AHI1: variants seen among roughly 807,000 people sequenced by gnomAD.
The protein encoded by AHI1 is jouberin.
Under a neutral mutation model 149.3 loss-of-function variants are expected in AHI1, and 123 were observed. The observed-to-expected ratio is 0.82, with a 90% confidence interval of 0.71 to 0.96. The LOEUF is 0.96. Ranked by LOEUF, AHI1 falls within the 40% of genes least tolerant of loss-of-function variation. The probability of loss-of-function intolerance (pLI) is 0.00; values close to 1 mark genes in which losing one functional copy is unlikely to be tolerated. For missense variants in AHI1, 1,439 were observed against 1,422.7 expected (o/e 1.01, Z -0.18); for synonymous variants, 475 against 459.8 (o/e 1.03, Z -0.42).
chr6:135,453,097 CTGTT>C (rs1788385941), intron 11 of AHI1, among the ~76,000 whole-genome samples: 1 of 152,102 alleles, frequency 6.6e-6, no homozygotes, highest in Admixed American at 6.6e-5. Context: ...AATGGCATGG[CTGTT>C]TGTGTCTTTT....
Position 135,431,333 on chromosome 6 carries a change from T to A in AHI1, c.2267-19A>T, listed in dbSNP as rs971512231. ...TGATGACCTATTTAAAAAAATAAGATCACTCACTTATGAATGTCACACAGA... is the reference window on the plus strand; with the variant it reads ...TGATGACCTATTTAAAAAAATAAGAACACTCACTTATGAATGTCACACAGA... On this transcript the variant is annotated intron_variant, in intron 16 of 28. Transcript: ENST00000265602. 1.0e-5 allele frequency: 15 copies of A among 1,460,506 alleles called. No homozygotes were observed. Among genetic ancestry groups the A allele is most frequent in the Middle Eastern group, 3.5e-4 (2 of 5,772 alleles). 90.5% of individuals were successfully genotyped at this position (1,460,506 alleles called of 1,614,324 possible). A position where few individuals can be genotyped will look rare whatever the true frequency, so the allele number is the denominator to read the frequency against.
At chr6:135,443,866 T>C (rs1231642830) in intron 13 of AHI1, among the ~76,000 whole-genome samples, 4 of 152,060 alleles carry the variant, frequency 2.6e-5, no homozygotes, top group Non-Finnish European at 5.9e-5. Context: ...GAGAGGAGGG[T>C]AACAAGGTAA....
intron 23 of AHI1, among the ~76,000 whole-genome samples, chr6:135,369,607 G>A (rs1774728945): frequency 6.6e-6 from 1 of 152,096 alleles, no homozygotes; most frequent in Non-Finnish European, 1.5e-5. Flanking sequence ...TGCAATTCCA[G>A]TTGCATGTTT....
chr6:135,427,915 A>T (rs1784127449), intron 19 of AHI1, among the ~76,000 whole-genome samples: 1 of 151,530 alleles, frequency 6.6e-6, no homozygotes, highest in South Asian at 2.1e-4. Flanking sequence ...TTGATGCTAA[A>T]GCATCAAAAC....
At chr6:135,491,075 C>A (rs1795188243) in intron 4 of AHI1, among the ~76,000 whole-genome samples, 1 of 152,174 alleles carries the variant, frequency 6.6e-6, no homozygotes, top group African/African-American at 2.4e-5. Flanking sequence ...GATCTCTAAA[C>A]TTCATTTTCC....
chr6:135,427,444 T>A, intron 19 of AHI1, 137 bp from the exon 20 acceptor site: 1 of 743,538 alleles, frequency 1.3e-6, no homozygotes, highest in Non-Finnish European at 2.1e-6. Context: ...AAACCTCAAA[T>A]ATTTAAAAAT....
chr6:135,296,467 C>T (rs570512946), intron 27 of AHI1, among the ~76,000 whole-genome samples: 1 of 152,306 alleles, frequency 6.6e-6, no homozygotes, highest in South Asian at 2.1e-4. Context: ...GGTCTTATTA[C>T]TGTCTCTGAT....
At chr6:135,379,309 T>G (rs949790172) in intron 23 of AHI1, among the ~76,000 whole-genome samples, 6 of 152,202 alleles carry the variant, frequency 3.9e-5, no homozygotes, top group African/African-American at 1.4e-4. Context: ...TCTACTTCTC[T>G]ATCTTCACTC....
In AHI1 at chr6:135,298,028, T is replaced by TA. The variant is rs1020812337; in HGVS notation, c.3485+2471dup. ...GTTAATGAAATAAAGGTTGCTATGT[T>TA]AAAAAAAACCCAACAAAATTCAATA... On this transcript the variant is annotated intron_variant, in intron 27 of 28. Transcript: ENST00000265602. 2.1e-4 allele frequency among the ~76,000 whole-genome samples: 32 copies of TA among 151,788 alleles called. No homozygotes were observed. The South Asian group carries it at 2.3e-3, about 11-fold the overall frequency.
At chr6:135,489,949 C>A in intron 5 of AHI1, 3 of 312,650 alleles carry the variant, frequency 9.6e-6, no homozygotes, top group Non-Finnish European at 1.2e-5. Flanking sequence ...TTATTTTTTT[C>A]TGTGAGGACA....
chr6:135,294,698 C>CAAAAAAAAAAA (rs56734547), intron 27 of AHI1, among the ~76,000 whole-genome samples: 19 of 67,994 alleles, frequency 2.8e-4, no homozygotes, highest in South Asian at 6.6e-4. Flanking sequence ...TCTCCAAATG[C>CAAAAAAAAAAA]AAAAAAAAAA....
intron 26 of AHI1, chr6:135,301,584 A>G: frequency 1.0e-6 from 1 of 985,436 alleles, no homozygotes; most frequent in Non-Finnish European, 1.2e-6. Flanking sequence ...AGAGGATATT[A>G]TGCTTTTCTG....
intron 24 of AHI1, among the ~76,000 whole-genome samples, chr6:135,348,461 T>A (rs970976937): frequency 6.6e-6 from 1 of 152,186 alleles, no homozygotes; most frequent in African/African-American, 2.4e-5. Context: ...AACCACTATA[T>A]CTTATTTTAA....
intron 24 of AHI1, among the ~76,000 whole-genome samples, chr6:135,344,435 T>C (rs976590281): frequency 6.6e-6 from 1 of 151,222 alleles, no homozygotes; most frequent in Non-Finnish European, 1.5e-5. Context: ...ATATACTATA[T>C]AGGTATATTT....
chr6:135,337,389 CT>C (rs1465815928), intron 24 of AHI1, among the ~76,000 whole-genome samples: 1 of 152,076 alleles, frequency 6.6e-6, no homozygotes, highest in Non-Finnish European at 1.5e-5. Flanking sequence ...ATTAACATTT[CT>C]GTCCATTTGG....
At chr6:135,320,473 T>G (rs1267701651) in intron 25 of AHI1, among the ~76,000 whole-genome samples, 2 of 152,222 alleles carry the variant, frequency 1.3e-5, no homozygotes, top group Non-Finnish European at 2.9e-5. Context: ...TTATCTTTTG[T>G]GGAGATGGAG....
chr6:135,369,222 G>A (rs1265531367), intron 23 of AHI1, among the ~76,000 whole-genome samples: 1 of 152,140 alleles, frequency 6.6e-6, no homozygotes, highest in Non-Finnish European at 1.5e-5. Flanking sequence ...TGTGTTCAGG[G>A]GTGGACATTC....
chr6:135,346,361 A>AT (rs1422399230), intron 24 of AHI1, among the ~76,000 whole-genome samples: 2 of 151,468 alleles, frequency 1.3e-5, no homozygotes, highest in Non-Finnish European at 1.5e-5. Context: ...TGCCCGGCTA[A>AT]TTTTTTTTAT....
intron 25 of AHI1, among the ~76,000 whole-genome samples, chr6:135,320,434 A>G (rs1786640393): frequency 6.6e-6 from 1 of 152,174 alleles, no homozygotes; most frequent in Admixed American, 6.5e-5. Context: ...ATGGAAGAAG[A>G]ACAAATTTTA....
Sources: gnomAD v4.1 joint callset for allele counts (sites outside exome capture counted in the v4.1 genomes callset) on GRCh38, gnomAD v4.1.1 for gene constraint, MANE v1.5 for transcripts, NCBI Gene and HGNC (gene_info 2026-07-23, HGNC 2026-07-21) for gene names.